PDE1C: variants seen among roughly 807,000 people sequenced by gnomAD.
PDE1C encodes the protein phosphodiesterase 1C.
In PDE1C, 62 loss-of-function variants were observed where a neutral mutation model predicts 93.1. That is an observed-to-expected ratio of 0.67 (90% CI 0.54 to 0.82). The LOEUF (loss-of-function observed/expected upper bound fraction) is 0.82, where lower values mean the gene tolerates loss of function less well. Ranked by LOEUF, PDE1C falls within the 40% of genes least tolerant of loss-of-function variation. The pLI is 0.00. For synonymous variants in PDE1C, 325 were observed against 310.1 expected (o/e 1.05, Z -0.50); for missense variants, 742 against 884.6 (o/e 0.84, Z 2.04).
the PDE1C span, among the ~76,000 whole-genome samples, chr7:31,625,000 C>T: frequency 1.9e-3 from 294 of 152,288 alleles, 1 homozygote; most frequent in African/African-American, 6.7e-3. Context: ...GACATTTATG[C>T]AGTCAAAAAA....
At chr7:32,313,358 A>T (rs1783096900) in intron 1 of PDE1C, among the ~76,000 whole-genome samples, 1 of 151,196 alleles carries the variant, frequency 6.6e-6, no homozygotes, top group African/African-American at 2.4e-5. Context: ...TTCCTCAGGG[A>T]TCTAGAACTA....
chr7:32,002,572 G>C (rs1255627249), intron 2 of PDE1C, among the ~76,000 whole-genome samples: 1 of 145,756 alleles, frequency 6.9e-6, no homozygotes. Context: ...GACATAAAAA[G>C]CACTTAACAA....
intron 16 of PDE1C, among the ~76,000 whole-genome samples, chr7:31,800,892 T>C (rs911795834): frequency 7.3e-5 from 11 of 151,290 alleles, no homozygotes; most frequent in African/African-American, 2.7e-4. Context: ...ATTACACTTC[T>C]AAATAACTCT....
At chr7:32,064,687 AAT>A (rs57440930) in intron 1 of PDE1C, among the ~76,000 whole-genome samples, 21,542 of 152,012 alleles carry the variant, frequency 0.14, 2,156 homozygotes, top group East Asian at 0.43. Flanking sequence ...TGTATCATAA[AAT>A]ATATATATAT....
intron 1 of PDE1C, among the ~76,000 whole-genome samples, chr7:32,293,997 T>C (rs868868776): frequency 3.9e-5 from 6 of 152,162 alleles, no homozygotes; most frequent in Middle Eastern, 3.4e-3. Flanking sequence ...CGGGGGCCTC[T>C]CTGCCAGGGC....
chr7:31,814,314 T>A (rs1288913429), intron 15 of PDE1C, among the ~76,000 whole-genome samples: 1 of 151,812 alleles, frequency 6.6e-6, no homozygotes, highest in Non-Finnish European at 1.5e-5. Flanking sequence ...TCTTTATAAC[T>A]TTTTTTTCCA....
At chr7:32,163,936 C>T (rs1395996525) in intron 3 of PDE1C, among the ~76,000 whole-genome samples, 1 of 152,132 alleles carries the variant, frequency 6.6e-6, no homozygotes, top group African/African-American at 2.4e-5. Flanking sequence ...CCTTCTTTGG[C>T]CCACTTAATC....
chr7:32,200,566 G>A (rs529169186), intron 2 of PDE1C, among the ~76,000 whole-genome samples: 1 of 152,284 alleles, frequency 6.6e-6, no homozygotes, highest in African/African-American at 2.4e-5. Flanking sequence ...CACCAAACTT[G>A]TGGCTTCCAA....
intron 2 of PDE1C, among the ~76,000 whole-genome samples, chr7:32,033,592 A>G (rs563719344): frequency 4.6e-5 from 7 of 152,128 alleles, no homozygotes; most frequent in Non-Finnish European, 8.8e-5. Flanking sequence ...CTGACCTTGT[A>G]TCTTCACCCT....
At chr7:31,759,421 TGGA>T (rs1448569816) in intron 17 of PDE1C, among the ~76,000 whole-genome samples, 1 of 152,150 alleles carries the variant, frequency 6.6e-6, no homozygotes, top group Non-Finnish European at 1.5e-5. Context: ...CGACCACTAG[TGGA>T]GAAGAACCAA....
chr7:31,834,915 C>T (rs1471764648), intron 11 of PDE1C, among the ~76,000 whole-genome samples: 1 of 152,036 alleles, frequency 6.6e-6, no homozygotes, highest in Non-Finnish European at 1.5e-5. Flanking sequence ...TAAATTGTAG[C>T]TCCCATAATT....
the PDE1C span, among the ~76,000 whole-genome samples, chr7:31,649,089 G>GCAAAATTA: frequency 1.3e-5 from 2 of 152,196 alleles, no homozygotes; most frequent in African/African-American, 4.8e-5. Context: ...TTGCAAAATT[G>GCAAAATTA]CAAAATTGAT....
At chr7:31,790,693 A>T (rs570296438) in intron 16 of PDE1C, among the ~76,000 whole-genome samples, 1 of 152,158 alleles carries the variant, frequency 6.6e-6, no homozygotes, top group East Asian at 1.9e-4. Flanking sequence ...TTCTTGCCCC[A>T]CCCTCAGAAG....
At chr7:32,131,522 C>G (rs1239893412) in intron 3 of PDE1C, among the ~76,000 whole-genome samples, 1 of 152,036 alleles carries the variant, frequency 6.6e-6, no homozygotes, top group East Asian at 1.9e-4. Context: ...GAATCAGTGA[C>G]CCTTAGAAGC....
chr7:32,009,397 T>A lies in PDE1C; in HGVS notation c.128+42157A>T, dbSNP rs559545100. On this transcript the variant is annotated intron_variant, in intron 2 of 17. Coordinates refer to ENST00000396191, the MANE Select transcript of PDE1C (RefSeq NM_001191057.4). ...ATAAAGAGAGCTAAATAGAGAGATC[T>A]GCAAAGAATCCCACTTGAGTATCCA... Among the ~76,000 whole-genome samples, 24 of 152,308 alleles carry A rather than the reference T, an allele frequency of 1.6e-4. 1 individual carries two copies. The South Asian group carries it at 2.9e-3, about 18-fold the overall frequency.
chr7:32,279,770 T>G (rs1206733611), intron 1 of PDE1C, among the ~76,000 whole-genome samples: 2 of 152,050 alleles, frequency 1.3e-5, no homozygotes, highest in African/African-American at 4.8e-5. Flanking sequence ...TATTAAAAAT[T>G]TTGAAACTAT....
intron 2 of PDE1C, among the ~76,000 whole-genome samples, chr7:32,172,823 T>TAAAAAAAAAAAAAAA (rs70989638): frequency 9.6e-6 from 1 of 104,456 alleles, no homozygotes. Flanking sequence ...ACTCCATCTT[T>TAAAAAAAAAAAAAAA]AAAAAAAAAA....
intron 16 of PDE1C, among the ~76,000 whole-genome samples, chr7:31,792,274 GA>G (rs1451419721): frequency 6.6e-6 from 1 of 152,076 alleles, no homozygotes; most frequent in Non-Finnish European, 1.5e-5. Context: ...TGAGAACAGG[GA>G]AAACACCTCA....
At chr7:32,323,422 C>T (rs898926500) in intron 1 of PDE1C, among the ~76,000 whole-genome samples, 1 of 152,154 alleles carries the variant, frequency 6.6e-6, no homozygotes, top group Non-Finnish European at 1.5e-5. Context: ...CAGCACCCCA[C>T]CACAAGAAGT....
Sources: gnomAD v4.1 joint callset for allele counts (sites outside exome capture counted in the v4.1 genomes callset) on GRCh38, gnomAD v4.1.1 for gene constraint, MANE v1.5 for transcripts, NCBI Gene and HGNC (gene_info 2026-07-23, HGNC 2026-07-21) for gene names.